Variants in MBNL2 observed in about 807,000 individuals in gnomAD.
The protein encoded by MBNL2 is muscleblind like splicing regulator 2.
Under a neutral mutation model 41.9 loss-of-function variants are expected in MBNL2, and 17 were observed. The observed-to-expected ratio is 0.41, with a 90% CI of 0.28 to 0.61. MBNL2 has a LOEUF of 0.61. MBNL2 is among the 20% of genes least tolerant of loss of function. The pLI, the probability that MBNL2 is intolerant of heterozygous loss-of-function variation, is 0.35. For synonymous variants in MBNL2, 195 were observed against 182.9 expected (o/e 1.07, Z -0.53); for missense variants, 336 against 505.6 (o/e 0.66, Z 3.22).
chr13:97,389,929 T>TATTG (rs1349973017), intron 8 of MBNL2, among the ~76,000 whole-genome samples: 1 of 152,148 alleles, frequency 6.6e-6, no homozygotes, highest in Non-Finnish European at 1.5e-5. Context: ...GAATATTACC[T>TATTG]ATTGGCAATG....
intron 2 of MBNL2, among the ~76,000 whole-genome samples, chr13:97,284,347 T>C (rs1472474312): frequency 6.6e-6 from 1 of 152,194 alleles, no homozygotes; most frequent in Non-Finnish European, 1.5e-5. Flanking sequence ...GGTAGCGCTG[T>C]GTGTTCCTTG....
intron 2 of MBNL2, among the ~76,000 whole-genome samples, chr13:97,277,895 A>T (rs2052493023): frequency 6.6e-6 from 1 of 152,214 alleles, no homozygotes; most frequent in African/African-American, 2.4e-5. Flanking sequence ...ATTTTGCCTT[A>T]GTCAAAAAAG....
intron 1 of MBNL2, among the ~76,000 whole-genome samples, chr13:97,269,347 T>A (rs1221302856): frequency 1.3e-5 from 2 of 152,170 alleles, no homozygotes; most frequent in Non-Finnish European, 2.9e-5. Context: ...CTGCATATAA[T>A]GGGGCAATGC....
the MBNL2 span, among the ~76,000 whole-genome samples, chr13:97,171,251 T>C: frequency 2.0e-5 from 3 of 152,290 alleles, no homozygotes; most frequent in African/African-American, 7.2e-5. Context: ...GTAATTCTCA[T>C]ATATAAGGCA....
At chr13:97,160,848 A>G in the MBNL2 span, among the ~76,000 whole-genome samples, 1 of 152,212 alleles carries the variant, frequency 6.6e-6, no homozygotes. Context: ...ACTTCTTTAA[A>G]CTTACATTTT....
At chr13:97,358,467 A>G (rs2063157168) in intron 7 of MBNL2, among the ~76,000 whole-genome samples, 1 of 152,194 alleles carries the variant, frequency 6.6e-6, no homozygotes, top group Non-Finnish European at 1.5e-5. Flanking sequence ...GAAAAAAGAA[A>G]AAAGCAGATA....
At chr13:97,215,582 T>C in the MBNL2 span, among the ~76,000 whole-genome samples, 37 of 152,362 alleles carry the variant, frequency 2.4e-4, no homozygotes, top group African/African-American at 8.4e-4. Flanking sequence ...AGCTTTGAGA[T>C]AGGCATGCTA....
At chr13:97,197,004 A>T in the MBNL2 span, among the ~76,000 whole-genome samples, 1 of 152,170 alleles carries the variant, frequency 6.6e-6, no homozygotes, top group South Asian at 2.1e-4. Context: ...TAGATTCTGG[A>T]ATGCCAGGAA....
At chr13:97,197,800 T>C in the MBNL2 span, among the ~76,000 whole-genome samples, 1 of 152,228 alleles carries the variant, frequency 6.6e-6, no homozygotes, top group Non-Finnish European at 1.5e-5. Flanking sequence ...GTTAAGGTTA[T>C]TAACTACTTA....
At chr13:97,163,732 ACT>A in the MBNL2 span, among the ~76,000 whole-genome samples, 3 of 151,722 alleles carry the variant, frequency 2.0e-5, no homozygotes, top group South Asian at 4.2e-4. Flanking sequence ...ACCTGCACAC[ACT>A]CTCAGCAACC....
At chr13:97,383,257 C>T (rs920251230) in intron 8 of MBNL2, among the ~76,000 whole-genome samples, 6 of 152,146 alleles carry the variant, frequency 3.9e-5, no homozygotes, top group African/African-American at 1.4e-4. Context: ...CAAAGCCTAA[C>T]TGCAATACTC....
the MBNL2 span, among the ~76,000 whole-genome samples, chr13:97,169,880 A>G: frequency 0.016 from 2,463 of 152,208 alleles, 77 homozygotes; most frequent in African/African-American, 0.056. Flanking sequence ...TCGTCATGGA[A>G]CTCACAATGC....
the MBNL2 span, among the ~76,000 whole-genome samples, chr13:97,204,973 ACCATCCTGC>A: frequency 6.6e-6 from 1 of 151,918 alleles, no homozygotes; most frequent in Non-Finnish European, 1.5e-5. Flanking sequence ...AGAGATTGAG[ACCATCCTGC>A]CCAACATGGT....
chr13:97,191,116 G>A, the MBNL2 span, among the ~76,000 whole-genome samples: 3 of 152,164 alleles, frequency 2.0e-5, no homozygotes, highest in South Asian at 2.1e-4. Flanking sequence ...GTTGTCACCA[G>A]CACCCTATGT....
At chr13:97,258,005 G>C (rs968873617) in intron 1 of MBNL2, among the ~76,000 whole-genome samples, 1 of 152,186 alleles carries the variant, frequency 6.6e-6, no homozygotes, top group Non-Finnish European at 1.5e-5. Context: ...AACTGGTGAC[G>C]GCAGGGAAGC....
At chr13:97,360,026 A>G (rs2063279421) in intron 7 of MBNL2, among the ~76,000 whole-genome samples, 1 of 152,204 alleles carries the variant, frequency 6.6e-6, no homozygotes, top group Non-Finnish European at 1.5e-5. Context: ...GATAATGGTA[A>G]TAATCAATCA....
chr13:97,311,600 T>C (rs890700000), intron 2 of MBNL2, among the ~76,000 whole-genome samples: 10 of 152,180 alleles, frequency 6.6e-5, no homozygotes, highest in African/African-American at 2.4e-4. Context: ...TGAAATTGTA[T>C]TCCTTAGAAA....
the MBNL2 span, among the ~76,000 whole-genome samples, chr13:97,169,047 C>G: frequency 6.6e-4 from 100 of 152,264 alleles, no homozygotes; most frequent in African/African-American, 2.2e-4. Flanking sequence ...TCTACTCCCC[C>G]CTTTGTCGCA....
At position 97,346,568 on chromosome 13, in the gene MBNL2, C is replaced by G. The variant is rs936306749; in HGVS notation, c.541-236C>G. Among the ~76,000 whole-genome samples, 1 of 152,140 alleles carries G rather than the reference C, an allele frequency of 6.6e-6. No homozygotes were observed. Among genetic ancestry groups the G allele is most frequent in the South Asian group, 2.1e-4 (1 of 4,820 alleles). On this transcript the variant is annotated intron_variant, in intron 4 of 8. Transcript: ENST00000679496. The surrounding 1 kb of genome is among the most constrained non-coding windows in gnomAD (Gnocchi z 4.2). Reference sequence around the variant, plus strand: ...GTTATTTTAGCTGAACTGCAGATTTCGTATTATTTTCTCAATATAGATTTT... The same window carrying G: ...GTTATTTTAGCTGAACTGCAGATTTGGTATTATTTTCTCAATATAGATTTT...
Sources: gnomAD v4.1 joint callset for allele counts (sites outside exome capture counted in the v4.1 genomes callset) on GRCh38, gnomAD v4.1.1 for gene constraint, Gnocchi (gnomAD v3.1) non-coding constraint, MANE v1.5 for transcripts, NCBI Gene and HGNC (gene_info 2026-07-23, HGNC 2026-07-21) for gene names.